PRKG1: variants seen among roughly 807,000 people sequenced by gnomAD.
The protein encoded by PRKG1 is protein kinase cGMP-dependent 1.
PRKG1 carries 35 observed loss-of-function variants against 88.1 expected under a neutral mutation model. The observed-to-expected ratio is 0.40, with a 90% CI of 0.30 to 0.53. The LOEUF (loss-of-function observed/expected upper bound fraction) is 0.53. Ranked by LOEUF, PRKG1 falls within the 20% of genes least tolerant of loss-of-function variation. PRKG1 has a pLI of 0.59. For missense variants in PRKG1, 540 were observed against 839.8 expected (o/e 0.64, Z 4.41); for synonymous variants, 303 against 292.5 (o/e 1.04, Z -0.37).
chr10:52,018,189 TG>T (rs1355680987), intron 5 of PRKG1, among the ~76,000 whole-genome samples: 2 of 152,204 alleles, frequency 1.3e-5, no homozygotes, highest in African/African-American at 4.8e-5. Context: ...GCTCATAAAA[TG>T]TGGTGTTGAG....
At chr10:51,139,546 AC>A (rs1845774161) in intron 1 of PRKG1, among the ~76,000 whole-genome samples, 1 of 152,200 alleles carries the variant, frequency 6.6e-6, no homozygotes. Context: ...GTCTTTAAGA[AC>A]CAGTTACTTG....
intron 3 of PRKG1, among the ~76,000 whole-genome samples, chr10:51,708,838 A>ACC (rs1841672859): frequency 6.6e-6 from 1 of 152,168 alleles, no homozygotes; most frequent in African/African-American, 2.4e-5. Flanking sequence ...CTTCCAGGTC[A>ACC]TGGAGAGGTC....
At chr10:51,351,914 T>G (rs1344004704) in intron 2 of PRKG1, among the ~76,000 whole-genome samples, 1 of 152,222 alleles carries the variant, frequency 6.6e-6, no homozygotes, top group African/African-American at 2.4e-5. Flanking sequence ...TGAGTTAATA[T>G]TTCTATAAGG....
At chr10:51,998,629 A>G (rs1053722722) in intron 5 of PRKG1, among the ~76,000 whole-genome samples, 2 of 152,218 alleles carry the variant, frequency 1.3e-5, no homozygotes, top group Non-Finnish European at 2.9e-5. Context: ...AACCTGAAGC[A>G]TATATACCAA....
chr10:51,113,356 C>T (rs1006498495), intron 1 of PRKG1, among the ~76,000 whole-genome samples: 2 of 152,110 alleles, frequency 1.3e-5, no homozygotes. Flanking sequence ...CAGAGTTTTT[C>T]AATTGAGCAT....
At chr10:51,034,620 T>C (rs74884599) in intron 1 of PRKG1, among the ~76,000 whole-genome samples, 2,564 of 140,308 alleles carry the variant, frequency 0.018, 25 homozygotes, top group Non-Finnish European at 0.03. Flanking sequence ...ATTCACAACT[T>C]TTTTGCCCTA....
chr10:51,961,387 A>G (rs1440051513), intron 5 of PRKG1, among the ~76,000 whole-genome samples: 3 of 136,580 alleles, frequency 2.2e-5, no homozygotes, highest in Non-Finnish European at 4.9e-5. Context: ...GTATTTATTG[A>G]AAAAAAAGAA....
intron 3 of PRKG1, among the ~76,000 whole-genome samples, chr10:51,469,158 A>G (rs1839981747): frequency 6.6e-6 from 1 of 151,800 alleles, no homozygotes; most frequent in African/African-American, 2.4e-5. Flanking sequence ...AAGAACCTTA[A>G]CTATAGAAAG....
At chr10:51,831,950 T>A (rs1004314168) in intron 4 of PRKG1, among the ~76,000 whole-genome samples, 11 of 152,178 alleles carry the variant, frequency 7.2e-5, no homozygotes, top group African/African-American at 4.8e-5. Flanking sequence ...ATGACTTATT[T>A]TTCCGTATAT....
At chr10:51,538,926 G>GT (rs930169054) in intron 3 of PRKG1, among the ~76,000 whole-genome samples, 5 of 151,346 alleles carry the variant, frequency 3.3e-5, no homozygotes, top group African/African-American at 9.7e-5. Flanking sequence ...CAGTAATTGT[G>GT]TTTTTTTTCC....
intron 1 of PRKG1, among the ~76,000 whole-genome samples, chr10:51,098,015 C>T (rs951036324): frequency 2.0e-5 from 3 of 152,122 alleles, no homozygotes; most frequent in African/African-American, 7.2e-5. Flanking sequence ...GGTCCTCTGA[C>T]TTGTGTTGAA....
At chr10:52,185,800 G>A (rs1839185425) in intron 9 of PRKG1, among the ~76,000 whole-genome samples, 1 of 152,168 alleles carries the variant, frequency 6.6e-6, no homozygotes, top group Admixed American at 6.5e-5. Flanking sequence ...GATTATGGTG[G>A]CTTATGCTCT....
At chr10:51,119,964 A>T (rs1845221185) in intron 1 of PRKG1, among the ~76,000 whole-genome samples, 1 of 152,144 alleles carries the variant, frequency 6.6e-6, no homozygotes, top group Non-Finnish European at 1.5e-5. Context: ...AAAGTTTACA[A>T]ATGATCACAG....
chr10:51,123,168 G>C (rs1845305995), intron 1 of PRKG1, among the ~76,000 whole-genome samples: 1 of 152,020 alleles, frequency 6.6e-6, no homozygotes, highest in Admixed American at 6.5e-5. Context: ...TTACCTGATG[G>C]GCATTGACAC....
At chr10:51,172,676 C>G (rs916441676) in intron 2 of PRKG1, among the ~76,000 whole-genome samples, 29 of 80,888 alleles carry the variant, frequency 3.6e-4, no homozygotes, top group East Asian at 5.8e-4. Context: ...ATCTATCTAT[C>G]TATCTATCTA....
intron 1 of PRKG1, among the ~76,000 whole-genome samples, chr10:51,129,071 A>T (rs1048576875): frequency 6.6e-6 from 1 of 152,174 alleles, no homozygotes; most frequent in African/African-American, 2.4e-5. Context: ...TGATGATGAT[A>T]TTGACATATT....
chr10:51,164,434 C>A (rs1449707990), intron 2 of PRKG1, among the ~76,000 whole-genome samples: 1 of 152,078 alleles, frequency 6.6e-6, no homozygotes, highest in Non-Finnish European at 1.5e-5. Context: ...TAGATAAAAC[C>A]ACAAAGATGG....
chr10:51,290,732 A>T (rs1840562362), intron 2 of PRKG1, among the ~76,000 whole-genome samples: 1 of 152,098 alleles, frequency 6.6e-6, no homozygotes, highest in East Asian at 1.9e-4. Context: ...TACCAAAGAC[A>T]TTTCCCTAGC....
intron 1 of PRKG1, among the ~76,000 whole-genome samples, chr10:50,995,432 G>T (rs1842827965): frequency 6.6e-6 from 1 of 152,298 alleles, no homozygotes; most frequent in East Asian, 1.9e-4. Flanking sequence ...CCGACTTATT[G>T]CGGTACTCAT....
Sources: gnomAD v4.1 joint callset for allele counts (sites outside exome capture counted in the v4.1 genomes callset) on GRCh38, gnomAD v4.1.1 for gene constraint, MANE v1.5 for transcripts, NCBI Gene and HGNC (gene_info 2026-07-23, HGNC 2026-07-21) for gene names.